SIPA1L1: variants seen among roughly 807,000 people sequenced by gnomAD.
The protein encoded by SIPA1L1 is signal-induced proliferation-associated 1-like protein 1.
Under a neutral mutation model 162.7 loss-of-function variants are expected in SIPA1L1, and 26 were observed. That is an observed-to-expected ratio of 0.16 (90% CI 0.12 to 0.22). The LOEUF is 0.22. Ranked by LOEUF, SIPA1L1 falls within the 10% of genes least tolerant of loss-of-function variation. The probability of loss-of-function intolerance (pLI) is 1.00; values close to 1 mark genes in which losing one functional copy is unlikely to be tolerated. For missense variants in SIPA1L1, 1,874 were observed against 2,241.0 expected (o/e 0.84, Z 3.31); for synonymous variants, 829 against 837.4 (o/e 0.99, Z 0.17).
chr14:71,698,737 T>C (rs1430610869), intron 13 of SIPA1L1, among the ~76,000 whole-genome samples: 3 of 152,204 alleles, frequency 2.0e-5, no homozygotes, highest in Non-Finnish European at 4.4e-5. Context: ...ACATGTTTTC[T>C]AGATCTTTTT....
chr14:71,636,486 T>C (rs141246012), intron 7 of SIPA1L1, among the ~76,000 whole-genome samples: 2,711 of 152,266 alleles, frequency 0.018, 47 homozygotes, highest in Non-Finnish European at 0.026. Context: ...AAAAAATGTA[T>C]GTAAACTGAA....
intron 2 of SIPA1L1, among the ~76,000 whole-genome samples, chr14:71,467,754 G>A (rs1221955624): frequency 1.3e-5 from 2 of 151,428 alleles, no homozygotes; most frequent in Non-Finnish European, 2.9e-5. Flanking sequence ...GGTGGCTTAT[G>A]CCTGTTATCC....
At chr14:71,560,614 G>T (rs1222732497) in intron 4 of SIPA1L1, among the ~76,000 whole-genome samples, 1 of 152,158 alleles carries the variant, frequency 6.6e-6, no homozygotes, top group Non-Finnish European at 1.5e-5. Flanking sequence ...TGGCCACAGG[G>T]CAAAAGAGTC....
chr14:71,456,801 A>C, intron 2 of SIPA1L1, among the ~76,000 whole-genome samples: 1 of 152,232 alleles, frequency 6.6e-6, no homozygotes. Context: ...TTTTTCTTCC[A>C]AACAACCTTT....
intron 22 of SIPA1L1, among the ~76,000 whole-genome samples, chr14:71,735,966 G>C (rs2085253479): frequency 6.6e-6 from 1 of 152,190 alleles, no homozygotes; most frequent in Non-Finnish European, 1.5e-5. Flanking sequence ...TTTCCCCTTA[G>C]TTTCAAAATG....
chr14:71,684,130 G>A (rs188628774), intron 12 of SIPA1L1, among the ~76,000 whole-genome samples: 67 of 152,350 alleles, frequency 4.4e-4, no homozygotes, highest in African/African-American at 1.5e-3. Context: ...ACTCCTTGGA[G>A]ACGTGGGCTA....
At chr14:71,552,204 A>T (rs1379251636) in intron 4 of SIPA1L1, among the ~76,000 whole-genome samples, 1 of 152,224 alleles carries the variant, frequency 6.6e-6, no homozygotes, top group African/African-American at 2.4e-5. Flanking sequence ...CCATTTAATT[A>T]AAACTTTGAG....
chr14:71,724,243 G>A (rs1221930335), intron 18 of SIPA1L1, among the ~76,000 whole-genome samples: 1 of 152,100 alleles, frequency 6.6e-6, no homozygotes, highest in East Asian at 1.9e-4. Flanking sequence ...AGGCCAGTAG[G>A]CACCAGAGGG....
rs1275250449 is a variant in SIPA1L1 at position 71,362,164 on chromosome 14, C to T, written c.-465+40983C>T. Among the ~76,000 whole-genome samples the T allele has an allele frequency of 2.0e-5, 3 of 152,286 alleles. No homozygotes were observed. The East Asian group carries it at 5.8e-4, about 29-fold the overall frequency. ...TGTGTGTTGCCACTGGAGTTTCGTA[C>T]TTGAGAGATGAGTTTGCTGTTTTTT... On this transcript the variant is annotated intron_variant, in intron 2 of 23. Coordinates refer to ENST00000381232, the MANE Select transcript of SIPA1L1 (RefSeq NM_001386936.1).
At chr14:71,406,870 A>G (rs1566982135) in intron 2 of SIPA1L1, among the ~76,000 whole-genome samples, 1 of 152,194 alleles carries the variant, frequency 6.6e-6, no homozygotes, top group African/African-American at 2.4e-5. Context: ...CTTCATTGAG[A>G]TATTCTTTGG....
intron 2 of SIPA1L1, among the ~76,000 whole-genome samples, chr14:71,474,969 C>T (rs905447413): frequency 6.6e-6 from 1 of 152,018 alleles, no homozygotes; most frequent in African/African-American, 2.4e-5. Context: ...TGTCAATTTT[C>T]TTTTGAATGT....
intron 14 of SIPA1L1, among the ~76,000 whole-genome samples, chr14:71,700,994 CAAAAAAAAAAAAAAAAA>C (rs539293669): frequency 7.7e-5 from 4 of 51,750 alleles, no homozygotes; most frequent in Admixed American, 3.4e-4. Context: ...GACTCCGTCT[CAAAAAAAAAAAAAAAAA>C]AAAAAAAAAA....
intron 12 of SIPA1L1, among the ~76,000 whole-genome samples, chr14:71,679,763 AAAAG>A (rs904678076): frequency 3.9e-5 from 6 of 152,184 alleles, no homozygotes; most frequent in African/African-American, 1.4e-4. Flanking sequence ...GGAAAACAAA[AAAAG>A]GCAGGGGTTG....
chr14:71,738,389 CCTTT>C (rs2085508635), intron 23 of SIPA1L1, 64 bp downstream of exon 23: 1 of 1,108,822 alleles, frequency 9.0e-7, no homozygotes, highest in East Asian at 2.4e-5. Context: ...CCATGAGAGC[CCTTT>C]CTAAGTAGCA....
At chr14:71,718,214 G>A (rs1161534530) in intron 17 of SIPA1L1, among the ~76,000 whole-genome samples, 1 of 152,144 alleles carries the variant, frequency 6.6e-6, no homozygotes, top group East Asian at 1.9e-4. Flanking sequence ...ACGCTCACAG[G>A]CCCACTGAAT....
chr14:71,391,630 G>A (rs1205062882), intron 2 of SIPA1L1, among the ~76,000 whole-genome samples: 2 of 152,190 alleles, frequency 1.3e-5, no homozygotes, highest in African/African-American at 4.8e-5. Context: ...GAAATAGCAT[G>A]TTCTGCTCTG....
intron 4 of SIPA1L1, among the ~76,000 whole-genome samples, chr14:71,570,098 G>A (rs2031666460): frequency 6.6e-6 from 1 of 152,090 alleles, no homozygotes; most frequent in African/African-American, 2.4e-5. Context: ...GCAGATGTTA[G>A]GAAGTCATAG....
At chr14:71,733,612 G>A (rs2085006345) in intron 20 of SIPA1L1, 54 bp from the exon 21 acceptor site, 9 of 1,577,444 alleles carry the variant, frequency 5.7e-6, no homozygotes, top group Non-Finnish European at 7.8e-6. Flanking sequence ...GGTAAGTTTT[G>A]AGTGGCTCTT....
At chr14:71,599,282 C>T (rs1180433671) in intron 5 of SIPA1L1, among the ~76,000 whole-genome samples, 1 of 151,052 alleles carries the variant, frequency 6.6e-6, no homozygotes, top group Non-Finnish European at 1.5e-5. Flanking sequence ...TCCCGAGTAG[C>T]TGGGATTACA....
Sources: allele counts gnomAD v4.1 joint callset (sites outside exome capture counted in the v4.1 genomes callset), GRCh38; gene constraint gnomAD v4.1.1; transcripts MANE v1.5; gene names NCBI Gene and HGNC (gene_info 2026-07-23, HGNC 2026-07-21).